Variants in FNBP1 observed in about 807,000 individuals in gnomAD.
FNBP1 encodes formin binding protein 1.
Under a neutral mutation model 90.6 loss-of-function variants are expected in FNBP1, and 26 were observed. The observed-to-expected ratio is 0.29, with a 90% confidence interval of 0.21 to 0.40. The LOEUF is 0.40. Among genes scored for constraint, FNBP1 ranks in the 10% least tolerant of loss-of-function variants. The probability of loss-of-function intolerance (pLI) is 1.00; values close to 1 mark genes in which losing one functional copy is unlikely to be tolerated. For missense variants in FNBP1, 635 were observed against 768.0 expected, an observed-to-expected ratio of 0.83 and a Z score of 2.05; for synonymous variants, 260 against 265.2, an observed-to-expected ratio of 0.98 and a Z score of 0.19.
chr9:130,052,705 G>C, the FNBP1 span, among the ~76,000 whole-genome samples: 1 of 151,954 alleles, frequency 6.6e-6, no homozygotes, highest in Non-Finnish European at 1.5e-5. Flanking sequence ...AAAGTGCTGG[G>C]ATTCAGGCGC....
chr9:129,983,128 A>C (rs138598116), intron 2 of FNBP1, among the ~76,000 whole-genome samples: 6 of 152,340 alleles, frequency 3.9e-5, no homozygotes, highest in African/African-American at 1.4e-4. Flanking sequence ...AAAATCATGT[A>C]AGTTTTATAT....
At position 129,900,250 on chromosome 9, in the gene FNBP1, C is replaced by T. The variant is rs1319407100; in HGVS notation, c.1551-149G>A. 2.7e-6 allele frequency: 3 copies of T among 1,110,858 alleles called. No homozygotes were observed. Among genetic ancestry groups the T allele is most frequent in the East Asian group, 2.9e-5 (1 of 34,962 alleles). The allele number at this position is 1,110,858 out of a possible 1,614,324, so 68.8% of individuals were successfully genotyped here. A position where few individuals can be genotyped will look rare whatever the true frequency, so the allele number is the denominator to read the frequency against. On this transcript the variant is annotated intron_variant, in intron 14 of 16. Coordinates refer to ENST00000446176, the MANE Select transcript of FNBP1 (RefSeq NM_015033.3). This position sits in a 1 kb window ranked among gnomAD's most constrained non-coding sequence, Gnocchi z 4.1. Reference sequence around the variant, plus strand: ...ATGGTAAATCATCGCACGCTCAGATCACCCATCCCATGTGGAATTATAAAT... The same window carrying T: ...ATGGTAAATCATCGCACGCTCAGATTACCCATCCCATGTGGAATTATAAAT...
intron 4 of FNBP1, among the ~76,000 whole-genome samples, chr9:129,965,192 G>A (rs1000424046): frequency 1.3e-5 from 2 of 152,180 alleles, no homozygotes; most frequent in African/African-American, 4.8e-5. Flanking sequence ...CTGTTCAAGT[G>A]GGTATGTCGT....
chr9:129,943,986 C>T (rs1213663221), intron 6 of FNBP1, among the ~76,000 whole-genome samples: 1 of 582 alleles, frequency 1.7e-3, no homozygotes, highest in Non-Finnish European at 5.0e-3. Flanking sequence ...GAGCGAGACT[C>T]CATCTCAAAA....
rs756342214 is a variant in FNBP1 at position 129,914,757 on chromosome 9, CTA to C, written c.1185+1207_1185+1208del. ...AAATTATGTATATACATACATATGT[CTA>C]TATATATATATATATATATATATAT... On this transcript the variant is annotated intron_variant, in intron 11 of 16. Coordinates refer to ENST00000446176, the MANE Select transcript of FNBP1 (RefSeq NM_015033.3). Among the ~76,000 whole-genome samples the C allele has an allele frequency of 4.0e-3, 443 of 109,938 alleles. 2 individuals are homozygous for C. The highest frequency in any genetic ancestry group is 0.014 in the African/African-American group (377 of 26,908). The allele number at this position is 109,938 out of a possible 152,430, so 72.1% of individuals were successfully genotyped here.
chr9:129,945,582 A>G (rs754354445), intron 6 of FNBP1, among the ~76,000 whole-genome samples: 3 of 152,348 alleles, frequency 2.0e-5, no homozygotes, highest in Middle Eastern at 3.4e-3. Context: ...TAAAGTGGTC[A>G]TTGTGCTAGA....
chr9:129,895,478 T>G (rs1193965851), intron 16 of FNBP1: 11 of 1,153,798 alleles, frequency 9.5e-6, no homozygotes, highest in Non-Finnish European at 1.2e-5. Context: ...GCATGATGCG[T>G]GCCGGCTTTT....
chr9:129,901,956 A>C (rs1163390898), intron 13 of FNBP1, among the ~76,000 whole-genome samples: 1 of 152,194 alleles, frequency 6.6e-6, no homozygotes, highest in Non-Finnish European at 1.5e-5. Context: ...TCATTGCTGG[A>C]AACAATCTAT....
Position 129,890,569 on chromosome 9 carries a change from A to G in FNBP1, c.1847-23T>C. ...AATCTACAACACAAAGAGAAACAGA[A>G]AGAGAAACTCTCTGTTAGAGAGGAA... On this transcript the variant is annotated intron_variant, in intron 16 of 16. Coordinates refer to ENST00000446176, the MANE Select transcript of FNBP1 (RefSeq NM_015033.3). This position sits in a 1 kb window ranked among gnomAD's most constrained non-coding sequence, Gnocchi z 5.8. 6.4e-7 allele frequency: 1 copy of G among 1,573,726 alleles called. No individual in the cohort carries two copies. Among genetic ancestry groups the G allele is most frequent in the Non-Finnish European group, 8.6e-7 (1 of 1,159,214 alleles).
rs1000865537 is a variant in FNBP1, at chr9:129,908,940, C to G, written c.1245G>C (p.Gln415His). 2 of 1,613,782 alleles carry G rather than the reference C, an allele frequency of 1.2e-6. No individual in the cohort carries two copies. Among genetic ancestry groups the G allele is most frequent in the Non-Finnish European group, 1.7e-6 (2 of 1,179,818 alleles). ...LPPEQRRKKL[Q>H]QKVDELNKEI... is the part of the protein sequence containing the mutation. ...CTTTATTTAACTCATCGACTTTCTGCTGCAGCTTTTTCCTTCTTTGTTCAG... is the reference window on the plus strand; with the variant it reads ...CTTTATTTAACTCATCGACTTTCTGGTGCAGCTTTTTCCTTCTTTGTTCAG... The change falls in exon 12 of 17, where the codon CAG (glutamine) becomes CAC (histidine). Residue 415 changes from glutamine (Q) to histidine (H), a missense_variant. Coordinates refer to ENST00000446176, the MANE Select transcript of FNBP1 (RefSeq NM_015033.3).
At chr9:129,910,409 G>A (rs1293021637) in intron 11 of FNBP1, among the ~76,000 whole-genome samples, 1 of 149,552 alleles carries the variant, frequency 6.7e-6, no homozygotes, top group Non-Finnish European at 1.5e-5. Context: ...TTGAACCCGG[G>A]AAGCGGAGGT....
At chr9:129,927,437 G>C in intron 7 of FNBP1, 96 bp from the exon 8 acceptor site, 1 of 1,238,048 alleles carries the variant, frequency 8.1e-7, no homozygotes, top group South Asian at 1.4e-5. Flanking sequence ...AGTTCTCTTT[G>C]AGGAAAAAAT....
intron 1 of FNBP1, among the ~76,000 whole-genome samples, chr9:129,999,417 G>A (rs1038462788): frequency 2.0e-5 from 3 of 151,994 alleles, no homozygotes; most frequent in African/African-American, 7.3e-5. Context: ...CCAACATGGT[G>A]AAACCTCATC....
intron 1 of FNBP1, among the ~76,000 whole-genome samples, chr9:130,018,716 T>C (rs1334453247): frequency 2.0e-5 from 3 of 152,144 alleles, no homozygotes; most frequent in African/African-American, 7.2e-5. Flanking sequence ...GTGCTGAGAT[T>C]GCAGACATGA....
chr9:129,932,827 C>A (rs4837432), intron 6 of FNBP1, among the ~76,000 whole-genome samples: 1 of 151,926 alleles, frequency 6.6e-6, no homozygotes, highest in Non-Finnish European at 1.5e-5. Flanking sequence ...CCCCTTCCAA[C>A]ACACAGTAGC....
chr9:129,895,521 T>C, intron 16 of FNBP1: 1 of 1,145,860 alleles, frequency 8.7e-7, no homozygotes, highest in South Asian at 4.3e-5. Flanking sequence ...ACAATGCAAC[T>C]TTTTTTTTAA....
intron 1 of FNBP1, among the ~76,000 whole-genome samples, chr9:130,009,196 C>T (rs371336890): frequency 8.8e-4 from 134 of 152,282 alleles, no homozygotes; most frequent in Middle Eastern, 3.4e-3. Context: ...CACTAAAACG[C>T]TTGCCAATTC....
intron 15 of FNBP1, 27 bp from the exon 16 acceptor site, chr9:129,896,023 A>T: frequency 6.3e-7 from 1 of 1,577,938 alleles, no homozygotes; most frequent in Non-Finnish European, 8.6e-7. Context: ...AGGATATGTT[A>T]GATGTCTTGG....
chr9:129,888,969 G>A lies in FNBP1; in HGVS notation c.*1570C>T, dbSNP rs9650722. On this transcript the variant is annotated 3_prime_UTR_variant, in exon 17 of 17. Transcript: ENST00000446176. The stretch of plus-strand genomic sequence containing the variant: ...CAAGCAAAGAATAAAGCTGCCCGAC[G>A]TCATCCCCAGGCTTCCGTGGCGCTC... 228,435 of 228,702 alleles carry A rather than the reference G, an allele frequency of 1. 114,084 individuals are homozygous for A. The highest frequency in any genetic ancestry group is 1 in the East Asian group (16,030 of 16,030). The allele number at this position is 228,702 out of a possible 1,614,324, so 14.2% of individuals were successfully genotyped here. A position where few individuals can be genotyped will look rare whatever the true frequency, so the allele number is the denominator to read the frequency against.
Sources: gnomAD v4.1 joint callset for allele counts (sites outside exome capture counted in the v4.1 genomes callset) on GRCh38, gnomAD v4.1.1 for gene constraint, Gnocchi (gnomAD v3.1) non-coding constraint, MANE v1.5 for transcripts, NCBI Gene and HGNC (gene_info 2026-07-23, HGNC 2026-07-21) for gene names.